Variants in ADAMTSL1 observed in about 807,000 individuals in gnomAD.
ADAMTSL1 encodes the protein ADAMTS like 1.
A neutral mutation model predicts 201.8 loss-of-function variants in ADAMTSL1; 126 were observed. The observed-to-expected ratio is 0.62, with a 90% CI of 0.54 to 0.72. The LOEUF is 0.72. ADAMTSL1 is among the 30% of genes least tolerant of loss of function. The pLI, the probability that ADAMTSL1 is intolerant of heterozygous loss-of-function variation, is 0.00. For missense variants in ADAMTSL1, 2,679 were observed against 2,277.8 expected (o/e 1.18, Z -3.59); for synonymous variants, 1,121 against 903.4 (o/e 1.24, Z -4.32).
At chr9:18,698,907 C>A (rs1381837882) in intron 13 of ADAMTSL1, among the ~76,000 whole-genome samples, 1 of 152,096 alleles carries the variant, frequency 6.6e-6, no homozygotes, top group Admixed American at 6.5e-5. Flanking sequence ...GTGGGACCCT[C>A]CGTTAGTAAG....
At chr9:18,588,893 A>ATT (rs1823719214) in intron 4 of ADAMTSL1, among the ~76,000 whole-genome samples, 2 of 116,506 alleles carry the variant, frequency 1.7e-5, no homozygotes, top group African/African-American at 6.0e-5. Flanking sequence ...ACATATATAT[A>ATT]TATATATATA....
At chr9:18,614,680 C>G (rs1268096684) in intron 4 of ADAMTSL1, among the ~76,000 whole-genome samples, 1 of 152,080 alleles carries the variant, frequency 6.6e-6, no homozygotes, top group Non-Finnish European at 1.5e-5. Context: ...CTGATTAAAA[C>G]CCCTCACCCT....
rs547760611 is a variant in ADAMTSL1, at chr9:18,596,392, TTAC to T, written c.474+22129_474+22131del. ...ACTATCTGTGTGATCATGGACTAAT[TTAC>T]TAGGTTCTTTTAGCTTCAATTTTTT... is the stretch of plus-strand genomic sequence containing the variant. On this transcript the variant is annotated intron_variant, in intron 4 of 28. Transcript: ENST00000380548. Among the ~76,000 whole-genome samples, 125 of 152,324 alleles carry T rather than the reference TTAC, an allele frequency of 8.2e-4. 1 individual carries two copies. The highest frequency in any genetic ancestry group is 2.9e-3 in the African/African-American group (120 of 41,576).
chr9:18,809,221 A>G (rs146895682), intron 20 of ADAMTSL1, among the ~76,000 whole-genome samples: 1 of 152,310 alleles, frequency 6.6e-6, no homozygotes, highest in African/African-American at 2.4e-5. Context: ...CCTCCATACC[A>G]CACACAGGGA....
intron 14 of ADAMTSL1, chr9:18,717,832 C>T: frequency 1.5e-6 from 1 of 669,978 alleles, no homozygotes; most frequent in South Asian, 1.8e-5. Context: ...GATATAGTAG[C>T]TTTCATATGC....
At chr9:18,525,909 A>G (rs1249080153) in intron 2 of ADAMTSL1, among the ~76,000 whole-genome samples, 1 of 152,202 alleles carries the variant, frequency 6.6e-6, no homozygotes, top group Non-Finnish European at 1.5e-5. Flanking sequence ...TTCGAGAAGA[A>G]CGTATATTCT....
intron 2 of ADAMTSL1, among the ~76,000 whole-genome samples, chr9:18,263,977 A>T (rs1183409278): frequency 2.0e-5 from 3 of 152,212 alleles, no homozygotes; most frequent in African/African-American, 7.2e-5. Context: ...CAACCTCAGC[A>T]GACTAAGACA....
chr9:18,087,523 T>G (rs760158667), intron 1 of ADAMTSL1, among the ~76,000 whole-genome samples: 6 of 152,142 alleles, frequency 3.9e-5, no homozygotes, highest in Non-Finnish European at 7.4e-5. Flanking sequence ...CTTCATAAAA[T>G]GTACTTTCTT....
intron 14 of ADAMTSL1, among the ~76,000 whole-genome samples, chr9:18,714,849 G>A (rs371115998): frequency 4.0e-5 from 6 of 151,178 alleles, no homozygotes; most frequent in Non-Finnish European, 7.4e-5. Flanking sequence ...AAAATCCTCA[G>A]TAAAATACTG....
At chr9:18,801,887 T>C (rs1370741157) in intron 20 of ADAMTSL1, among the ~76,000 whole-genome samples, 2 of 152,204 alleles carry the variant, frequency 1.3e-5, no homozygotes, top group Non-Finnish European at 2.9e-5. Flanking sequence ...ATATACCTAA[T>C]AATGGGTTCT....
At chr9:18,074,652 A>G (rs973576700) in intron 1 of ADAMTSL1, among the ~76,000 whole-genome samples, 5 of 150,736 alleles carry the variant, frequency 3.3e-5, no homozygotes, top group African/African-American at 7.3e-5. Context: ...GTGCAATGGC[A>G]TGATCTCTGC....
chr9:18,755,093 G>A (rs1819675795), intron 16 of ADAMTSL1, among the ~76,000 whole-genome samples: 1 of 152,172 alleles, frequency 6.6e-6, no homozygotes, highest in Admixed American at 6.5e-5. Context: ...TGGCTAAAAG[G>A]CCTTTCAGGG....
rs550155336 is a variant in ADAMTSL1, at chr9:18,039,996, C to G, written c.88-123866C>G. 1.7e-3 allele frequency among the ~76,000 whole-genome samples: 264 copies of G among 152,234 alleles called. 10 individuals are homozygous for G. The South Asian group carries it at 0.052, about 30-fold the overall frequency. ...AACATATATGCAAAGGATAGAATGA[C>G]CATATTATTGTGTCTCCAGGATGGT... On this transcript the variant is annotated intron_variant, in intron 1 of 29. Coordinates refer to the ADAMTSL1 transcript ENST00000680146.
intron 23 of ADAMTSL1, among the ~76,000 whole-genome samples, chr9:18,845,555 G>C (rs73644679): frequency 0.037 from 5,700 of 152,306 alleles, 380 homozygotes; most frequent in African/African-American, 0.13. Context: ...TGCAAAGCCT[G>C]GCAGTGAGGC....
At chr9:18,588,868 C>CATATATATACATATACATGTATATAT (rs1823702226) in intron 4 of ADAMTSL1, among the ~76,000 whole-genome samples, 1 of 113,734 alleles carries the variant, frequency 8.8e-6, no homozygotes, top group African/African-American at 3.5e-5. Flanking sequence ...AGCTTTGTGC[C>CATATATATACATATACATGTATATAT]ATATATATAC....
chr9:18,614,296 C>T (rs182193576), intron 4 of ADAMTSL1, among the ~76,000 whole-genome samples: 30 of 152,222 alleles, frequency 2.0e-4, no homozygotes, highest in African/African-American at 7.0e-4. Flanking sequence ...CTCTTCATTG[C>T]CATCTAAACC....
intron 13 of ADAMTSL1, among the ~76,000 whole-genome samples, chr9:18,698,371 C>T (rs528862479): frequency 2.1e-4 from 32 of 152,130 alleles, no homozygotes; most frequent in Non-Finnish European, 4.7e-4. Context: ...GCAACCTCCA[C>T]CTCCTGAGTT....
At chr9:18,410,883 C>A (rs1470748817) in intron 2 of ADAMTSL1, among the ~76,000 whole-genome samples, 6 of 150,322 alleles carry the variant, frequency 4.0e-5, no homozygotes, top group Admixed American at 2.6e-4. Flanking sequence ...TGCTCTGTCA[C>A]CAGGCTGGAG....
chr9:17,999,068 A>C (rs960222836), intron 1 of ADAMTSL1, among the ~76,000 whole-genome samples: 3 of 152,018 alleles, frequency 2.0e-5, no homozygotes, highest in African/African-American at 4.8e-5. Context: ...TAGCCTCTTT[A>C]TTGTCTATGG....
Sources: allele counts gnomAD v4.1 joint callset (sites outside exome capture counted in the v4.1 genomes callset), GRCh38; gene constraint gnomAD v4.1.1; transcripts MANE v1.5; gene names NCBI Gene and HGNC (gene_info 2026-07-23, HGNC 2026-07-21).